SGCZ: variants seen among roughly 807,000 people sequenced by gnomAD.
SGCZ encodes sarcoglycan zeta.
A neutral mutation model predicts 41.3 loss-of-function variants in SGCZ; 40 were observed. The observed-to-expected ratio is 0.97, with a 90% confidence interval of 0.75 to 1.26. The LOEUF (loss-of-function observed/expected upper bound fraction) is 1.26. Among genes scored for constraint, SGCZ ranks in the 50% most tolerant of loss-of-function variants. The pLI is 0.00. For missense variants in SGCZ, 552 were observed against 369.8 expected (o/e 1.49, Z -4.04); for synonymous variants, 206 against 137.5 (o/e 1.50, Z -3.49).
At chr8:14,539,153 G>A (rs1199280097) in intron 2 of SGCZ, among the ~76,000 whole-genome samples, 3 of 151,916 alleles carry the variant, frequency 2.0e-5, no homozygotes, top group South Asian at 2.1e-4. Flanking sequence ...GATAGAATTC[G>A]GCCAGCAGAT....
At chr8:14,232,525 C>T (rs984602661) in intron 4 of SGCZ, among the ~76,000 whole-genome samples, 1 of 151,934 alleles carries the variant, frequency 6.6e-6, no homozygotes, top group East Asian at 1.9e-4. Context: ...TGAGGAAAAA[C>T]AGAAAATGAG....
At chr8:15,133,266 T>C (rs1343640858) in intron 1 of SGCZ, among the ~76,000 whole-genome samples, 1 of 152,222 alleles carries the variant, frequency 6.6e-6, no homozygotes, top group East Asian at 1.9e-4. Flanking sequence ...TATGTGTTTT[T>C]GATAAACTCT....
chr8:14,470,068 A>G (rs2116975602), intron 2 of SGCZ, among the ~76,000 whole-genome samples: 1 of 152,240 alleles, frequency 6.6e-6, no homozygotes. Context: ...TGGCATCTGA[A>G]GCAGTGCAGT....
At chr8:14,594,235 C>T (rs1037527318) in intron 1 of SGCZ, among the ~76,000 whole-genome samples, 1 of 150,198 alleles carries the variant, frequency 6.7e-6, no homozygotes, top group East Asian at 2.0e-4. Flanking sequence ...TAAAATAAAA[C>T]AAAATACAAA....
At chr8:14,370,935 G>A (rs907002530) in intron 2 of SGCZ, among the ~76,000 whole-genome samples, 3 of 151,968 alleles carry the variant, frequency 2.0e-5, no homozygotes, top group Non-Finnish European at 4.4e-5. Context: ...CACAGTGCAT[G>A]TCTAAATATT....
intron 2 of SGCZ, among the ~76,000 whole-genome samples, chr8:14,488,732 G>A (rs190334883): frequency 8.1e-4 from 110 of 136,534 alleles, no homozygotes; most frequent in African/African-American, 2.9e-3. Context: ...GACTTCCCTC[G>A]CTAATGCAAA....
intron 1 of SGCZ, among the ~76,000 whole-genome samples, chr8:15,039,610 G>A (rs922410370): frequency 5.3e-5 from 8 of 152,132 alleles, no homozygotes; most frequent in African/African-American, 1.9e-4. Context: ...TAACTTTGTT[G>A]AGAATATTTC....
chr8:14,189,860 T>G (rs572787153), intron 4 of SGCZ, among the ~76,000 whole-genome samples: 3 of 152,316 alleles, frequency 2.0e-5, no homozygotes, highest in African/African-American at 4.8e-5. Flanking sequence ...CTCTGCATCT[T>G]CAGTGATTAA....
At chr8:14,257,091 G>T (rs1799491200) in intron 3 of SGCZ, among the ~76,000 whole-genome samples, 1 of 152,090 alleles carries the variant, frequency 6.6e-6, no homozygotes, top group South Asian at 2.1e-4. Flanking sequence ...AGCACTAGAA[G>T]GCCAAAGTGG....
chr8:14,646,507 G>A (rs1329738570), intron 1 of SGCZ, among the ~76,000 whole-genome samples: 2 of 151,762 alleles, frequency 1.3e-5, no homozygotes, highest in South Asian at 2.1e-4. Flanking sequence ...CATGAATAGC[G>A]CTGTGATGAA....
chr8:14,534,688 A>AG (rs34440730), intron 2 of SGCZ, among the ~76,000 whole-genome samples: 65,889 of 151,406 alleles, frequency 0.44, 14,625 homozygotes, highest in Middle Eastern at 0.62. Flanking sequence ...AAAGGGTACA[A>AG]GGTAACAATA....
At chr8:14,661,878 G>T (rs1350322583) in intron 1 of SGCZ, among the ~76,000 whole-genome samples, 3 of 151,118 alleles carry the variant, frequency 2.0e-5, no homozygotes, top group Non-Finnish European at 4.4e-5. Context: ...ATTTATCTTT[G>T]GCTTGTCCCC....
intron 2 of SGCZ, among the ~76,000 whole-genome samples, chr8:14,411,795 T>C (rs1203395360): frequency 2.0e-5 from 3 of 152,124 alleles, no homozygotes; most frequent in Non-Finnish European, 2.9e-5. Context: ...ACATGTTTCA[T>C]TGAATTCATG....
intron 3 of SGCZ, among the ~76,000 whole-genome samples, chr8:14,255,912 C>A (rs1366134064): frequency 6.6e-6 from 1 of 152,062 alleles, no homozygotes; most frequent in African/African-American, 2.4e-5. Context: ...TTAGATACAA[C>A]CTTCAATTTT....
At chr8:14,935,144 ATT>A (rs1277925182) in intron 1 of SGCZ, among the ~76,000 whole-genome samples, 1 of 151,732 alleles carries the variant, frequency 6.6e-6, no homozygotes, top group Non-Finnish European at 1.5e-5. Context: ...AAACAGGCTG[ATT>A]TTGTTTTTTA....
intron 5 of SGCZ, among the ~76,000 whole-genome samples, chr8:14,111,349 T>G (rs1192436016): frequency 6.6e-6 from 1 of 152,116 alleles, no homozygotes; most frequent in Non-Finnish European, 1.5e-5. Context: ...CAACATTTGT[T>G]TGGTACATAA....
intron 1 of SGCZ, among the ~76,000 whole-genome samples, chr8:15,007,147 T>C (rs1802634416): frequency 6.6e-6 from 1 of 152,170 alleles, no homozygotes; most frequent in Admixed American, 6.5e-5. Flanking sequence ...GGAAGAGATA[T>C]ATCCACAAAA....
At chr8:15,124,334 C>A (rs1163316251) in intron 1 of SGCZ, among the ~76,000 whole-genome samples, 1 of 152,066 alleles carries the variant, frequency 6.6e-6, no homozygotes, top group Non-Finnish European at 1.5e-5. Context: ...AGTAAATTAA[C>A]CTTGGCAAGG....
chr8:14,959,168 C>T (rs1025738292), intron 1 of SGCZ, among the ~76,000 whole-genome samples: 2 of 151,976 alleles, frequency 1.3e-5, no homozygotes, highest in Admixed American at 6.6e-5. Context: ...CAATTCTAAA[C>T]GTTTCAGAGG....
Sources: allele counts gnomAD v4.1 joint callset (sites outside exome capture counted in the v4.1 genomes callset), GRCh38; gene constraint gnomAD v4.1.1; transcripts MANE v1.5; gene names NCBI Gene and HGNC (gene_info 2026-07-23, HGNC 2026-07-21).